The following PHC3 variants were observed in gnomAD, a reference collection of about 807,000 sequenced individuals.
PHC3 encodes polyhomeotic homolog 3.
In PHC3, 13 loss-of-function variants were observed where a neutral mutation model predicts 107.4. That is an observed-to-expected ratio of 0.12 (90% confidence interval 0.08 to 0.19). The LOEUF is 0.19. Ranked by LOEUF, PHC3 falls within the 10% of genes least tolerant of loss-of-function variation. The probability of loss-of-function intolerance (pLI) is 1.00; values close to 1 mark genes in which losing one functional copy is unlikely to be tolerated. For synonymous variants in PHC3, 456 were observed against 427.4 expected (o/e 1.07, Z -0.83); for missense variants, 992 against 1,210.9 (o/e 0.82, Z 2.68).
intron 6 of PHC3, among the ~76,000 whole-genome samples, chr3:170,139,869 GAAT>G (rs1308712772): frequency 2.0e-5 from 3 of 152,140 alleles, no homozygotes; most frequent in Non-Finnish European, 2.9e-5. Context: ...CTAAGAAGAA[GAAT>G]ATTAGGGCAC....
rs548237335 is a variant in PHC3, at chr3:170,144,192, T to C, written c.672+1231A>G. ...AAAAAAAAAGAAAAAAGAAAAAAAATTAGCCAGGCGTAGTAGTGCGTGCCT... is the reference window on the plus strand; with the variant it reads ...AAAAAAAAAGAAAAAAGAAAAAAAACTAGCCAGGCGTAGTAGTGCGTGCCT... On this transcript the variant is annotated intron_variant, in intron 6 of 14. Transcript: ENST00000495893. Among the ~76,000 whole-genome samples the C allele has an allele frequency of 3.4e-5, 5 of 148,832 alleles. No individual in the cohort carries two copies. The South Asian group carries it at 1.1e-3, about 32-fold the overall frequency.
At position 170,145,510 on chromosome 3, in the gene PHC3, T is replaced by A; in HGVS notation, c.585A>T (p.Thr195=). 6.2e-7 allele frequency: 1 copy of A among 1,611,608 alleles called. No homozygotes were observed. The change falls in exon 6 of 15, where the codon ACA becomes ACT. Residue 195 remains threonine, a synonymous_variant. Transcript: ENST00000495893. ...GTACAGCAGCCACAGTGGTAGCGGG[T>A]GTGAAAATCAGCTGTACAGACAGAA... is the stretch of plus-strand genomic sequence containing the variant. The part of the protein sequence containing the change: ...MYLRAQMLIF[T]PATTVAAVQS...
chr3:170,181,622 G>T, intron 1 of PHC3, 80 bp downstream of exon 1: 1 of 1,602,948 alleles, frequency 6.2e-7, no homozygotes. Context: ...AAAGAGCCCT[G>T]AGCTTTCCCC....
At chr3:170,109,385 G>A (rs766674805) in intron 11 of PHC3, among the ~76,000 whole-genome samples, 17 of 152,096 alleles carry the variant, frequency 1.1e-4, no homozygotes, top group Non-Finnish European at 2.1e-4. Flanking sequence ...TGATCATGAA[G>A]ATCAGCCATC....
At chr3:170,159,997 A>T (rs995259945) in intron 4 of PHC3, among the ~76,000 whole-genome samples, 4 of 152,256 alleles carry the variant, frequency 2.6e-5, no homozygotes, top group Non-Finnish European at 5.9e-5. Flanking sequence ...AGAAAGTTAT[A>T]AGATACTCCA....
chr3:170,165,210 C>A (rs921881043), intron 4 of PHC3, among the ~76,000 whole-genome samples: 1 of 152,136 alleles, frequency 6.6e-6, no homozygotes, highest in African/African-American at 2.4e-5. Flanking sequence ...TGCACTTGTA[C>A]CCCCTGTACT....
intron 4 of PHC3, chr3:170,169,647 G>A (rs540862600): frequency 6.6e-6 from 1 of 152,232 alleles, no homozygotes; most frequent in Non-Finnish European, 1.5e-5. Flanking sequence ...CATTAACAAT[G>A]TCATATATAT....
intron 7 of PHC3, 104 bp downstream of exon 7, chr3:170,136,315 T>C (rs1203026410): frequency 1.5e-6 from 2 of 1,356,812 alleles, no homozygotes; most frequent in Admixed American, 2.4e-5. Context: ...TTTTAAAATG[T>C]TTTAAAGGTG....
Position 170,125,896 on chromosome 3 carries a change from C to T in PHC3, c.1788+2788G>A, listed in dbSNP as rs1055678787. 7.2e-6 allele frequency: 5 copies of T among 691,076 alleles called. No homozygotes were observed. The African/African-American group carries it at 9.7e-5, about 13-fold the overall frequency. 42.8% of individuals were successfully genotyped at this position (691,076 alleles called of 1,614,324 possible). ...CTCACAAGATCATTAGGAAACTGCA[C>T]ATCACAATTACTGTTTAGCTCATAA... On this transcript the variant is annotated intron_variant, in intron 8 of 14. Transcript: ENST00000495893.
At position 170,152,337 on chromosome 3, in the gene PHC3, A is replaced by ATT. The variant is rs1220193435; in HGVS notation, c.415-3095_415-3094dup. 3.6e-3 allele frequency among the ~76,000 whole-genome samples: 434 copies of ATT among 122,156 alleles called. 1 individual carries two copies. Among genetic ancestry groups the ATT allele is most frequent in the African/African-American group, 0.01 (322 of 32,152 alleles). 80.1% of individuals were successfully genotyped at this position (122,156 alleles called of 152,430 possible). On this transcript the variant is annotated intron_variant, in intron 4 of 14. Transcript: ENST00000495893. ...AGGCGCCCACCACCACGCCTGGCTA[A>ATT]TTTTTTTTTTTTTTTTTTTTTTGTA...
intron 12 of PHC3, among the ~76,000 whole-genome samples, chr3:170,104,070 A>C (rs1483148236): frequency 6.6e-6 from 1 of 152,204 alleles, no homozygotes; most frequent in African/African-American, 2.4e-5. Flanking sequence ...ACCCTGACTC[A>C]AAACAATAAA....
intron 12 of PHC3, 102 bp from the exon 13 acceptor site, chr3:170,103,036 C>CAAT: frequency 9.0e-7 from 1 of 1,114,398 alleles, no homozygotes; most frequent in East Asian, 2.6e-5. Context: ...GTAAGTACCA[C>CAAT]AATACATCAT....
chr3:170,112,743 C>CA (rs1156485967), intron 11 of PHC3, among the ~76,000 whole-genome samples: 1 of 152,112 alleles, frequency 6.6e-6, no homozygotes, highest in Non-Finnish European at 1.5e-5. Context: ...AGGCTGGTCT[C>CA]AAACTCCTAA....
chr3:170,165,969 C>T (rs1728680585), intron 4 of PHC3, among the ~76,000 whole-genome samples: 2 of 144,770 alleles, frequency 1.4e-5, no homozygotes, highest in African/African-American at 2.6e-5. Flanking sequence ...AATGAGCATA[C>T]CTAAAAGAAA....
Position 170,113,258 on chromosome 3 carries a change from A to G in PHC3, c.2353+102T>C, listed in dbSNP as rs749157357. ...TGCATTATATGAAAATAAAAGTTGA[A>G]TACTTCCAGTGAAATTCTGTACAGA... On this transcript the variant is annotated intron_variant, in intron 11 of 14. Coordinates refer to ENST00000495893, the MANE Select transcript of PHC3 (RefSeq NM_024947.4). The G allele has an allele frequency of 1.3e-3, 1,428 of 1,124,164 alleles. 4 individuals carry two copies. Among genetic ancestry groups the G allele is most frequent in the Non-Finnish European group, 1.3e-3 (1,061 of 831,276 alleles). The allele number at this position is 1,124,164 out of a possible 1,614,324, so 69.6% of individuals were successfully genotyped here.
At chr3:170,138,294 T>C (rs1253960517) in intron 6 of PHC3, among the ~76,000 whole-genome samples, 2 of 152,216 alleles carry the variant, frequency 1.3e-5, no homozygotes, top group Non-Finnish European at 2.9e-5. Flanking sequence ...AATTTTCTAA[T>C]TGAAACCATA....
intron 11 of PHC3, among the ~76,000 whole-genome samples, chr3:170,113,001 C>T (rs1381993305): frequency 6.6e-6 from 1 of 152,102 alleles, no homozygotes; most frequent in Non-Finnish European, 1.5e-5. Flanking sequence ...AAATTTTAAG[C>T]TAACTCACTA....
At chr3:170,115,105 T>A (rs1190885487) in intron 10 of PHC3, among the ~76,000 whole-genome samples, 2 of 152,142 alleles carry the variant, frequency 1.3e-5, no homozygotes, top group African/African-American at 4.8e-5. Context: ...TTCTAGGAAT[T>A]CATACTAAGA....
intron 11 of PHC3, among the ~76,000 whole-genome samples, chr3:170,110,905 A>G (rs1717517776): frequency 6.6e-6 from 1 of 152,158 alleles, no homozygotes; most frequent in South Asian, 2.1e-4. Flanking sequence ...CATATTGTAG[A>G]TATAGGCCAA....
Sources: gnomAD v4.1 joint callset for allele counts (sites outside exome capture counted in the v4.1 genomes callset) on GRCh38, gnomAD v4.1.1 for gene constraint, MANE v1.5 for transcripts, NCBI Gene and HGNC (gene_info 2026-07-23, HGNC 2026-07-21) for gene names.